LPAR1: variants seen among roughly 807,000 people sequenced by gnomAD.
LPAR1 encodes the protein LPA receptor 1.
In LPAR1, 5 loss-of-function variants were observed where a neutral mutation model predicts 23.8. That is an observed-to-expected ratio of 0.21 (90% confidence interval 0.11 to 0.44). LPAR1 has a LOEUF of 0.44. Ranked by LOEUF, LPAR1 falls within the 20% of genes least tolerant of loss-of-function variation. LPAR1 has a pLI of 0.99. For missense variants in LPAR1, 311 were observed against 482.8 expected, an observed-to-expected ratio of 0.64 and a Z score of 3.33; for synonymous variants, 160 against 164.7, an observed-to-expected ratio of 0.97 and a Z score of 0.22.
At chr9:110,937,187 C>G (rs1184270783) in intron 5 of LPAR1, among the ~76,000 whole-genome samples, 1 of 152,222 alleles carries the variant, frequency 6.6e-6, no homozygotes, top group African/African-American at 2.4e-5. Context: ...CCCTTAAAAG[C>G]TTTCTCTGCC....
At chr9:110,969,773 T>C (rs1036581091) in intron 4 of LPAR1, among the ~76,000 whole-genome samples, 5 of 152,180 alleles carry the variant, frequency 3.3e-5, no homozygotes, top group African/African-American at 9.6e-5. Context: ...TCCACATTCC[T>C]GAATTCATTA....
chr9:110,881,696 G>A (rs1257781058), intron 5 of LPAR1, among the ~76,000 whole-genome samples: 3 of 152,280 alleles, frequency 2.0e-5, no homozygotes, highest in Non-Finnish European at 4.4e-5. Context: ...CTAGCCAAGT[G>A]AGCAATACCT....
chr9:110,994,472 G>T (rs2096956646), intron 2 of LPAR1, among the ~76,000 whole-genome samples: 1 of 152,146 alleles, frequency 6.6e-6, no homozygotes, highest in South Asian at 2.1e-4. Context: ...TGATTTCAGT[G>T]GTTGCTTTGT....
chr9:111,006,528 A>G (rs969919799), intron 2 of LPAR1, among the ~76,000 whole-genome samples: 8 of 152,194 alleles, frequency 5.3e-5, no homozygotes, highest in African/African-American at 1.7e-4. Flanking sequence ...TACCAATTCC[A>G]TGCCATGGTA....
At chr9:110,959,809 T>C (rs536728617) in intron 4 of LPAR1, among the ~76,000 whole-genome samples, 59 of 152,252 alleles carry the variant, frequency 3.9e-4, no homozygotes, top group African/African-American at 1.3e-3. Context: ...GGATACTATC[T>C]GGTCATAAAA....
At chr9:110,950,712 G>A (rs1310840251) in intron 4 of LPAR1, among the ~76,000 whole-genome samples, 2 of 151,940 alleles carry the variant, frequency 1.3e-5, no homozygotes, top group South Asian at 4.1e-4. Flanking sequence ...AACGTATCTA[G>A]GAATAAGTCT....
chr9:110,971,083 C>A (rs1251051761), intron 4 of LPAR1, among the ~76,000 whole-genome samples: 1 of 152,114 alleles, frequency 6.6e-6, no homozygotes, highest in African/African-American at 2.4e-5. Context: ...TGCAGTGAAC[C>A]AAGATCATGC....
intron 2 of LPAR1, among the ~76,000 whole-genome samples, chr9:111,010,097 C>T (rs1363245292): frequency 6.9e-6 from 1 of 145,532 alleles, no homozygotes; most frequent in African/African-American, 2.6e-5. Context: ...AACCTTTGTG[C>T]AAGAAAATCC....
intron 5 of LPAR1, among the ~76,000 whole-genome samples, chr9:110,933,481 A>G (rs545035476): frequency 1.3e-5 from 2 of 152,324 alleles, no homozygotes; most frequent in African/African-American, 4.8e-5. Flanking sequence ...GAAAGGCCCT[A>G]TGATTCTTAC....
chr9:111,021,908 G>A (rs2097566475), intron 2 of LPAR1, among the ~76,000 whole-genome samples: 1 of 142,560 alleles, frequency 7.0e-6, no homozygotes, highest in Admixed American at 7.5e-5. Context: ...AGGTTGCAGT[G>A]AGCAGAGATC....
intron 4 of LPAR1, among the ~76,000 whole-genome samples, chr9:110,954,128 C>G (rs991885716): frequency 2.6e-5 from 4 of 151,948 alleles, no homozygotes. Flanking sequence ...AAGAACCAAA[C>G]AGAAATCTTG....
At chr9:110,914,566 C>A (rs1416426785) in intron 5 of LPAR1, among the ~76,000 whole-genome samples, 2 of 152,184 alleles carry the variant, frequency 1.3e-5, no homozygotes, top group Non-Finnish European at 2.9e-5. Context: ...GGTGGGGACC[C>A]AGCCAAACTA....
At chr9:110,908,426 C>A (rs2091783782) in intron 5 of LPAR1, among the ~76,000 whole-genome samples, 1 of 151,550 alleles carries the variant, frequency 6.6e-6, no homozygotes, top group Non-Finnish European at 1.5e-5. Context: ...TTATTTTCAT[C>A]ATAAAGTATT....
chr9:110,923,696 CT>C (rs1671053106), intron 5 of LPAR1, among the ~76,000 whole-genome samples: 1 of 152,198 alleles, frequency 6.6e-6, no homozygotes, highest in African/African-American at 2.4e-5. Context: ...ACTGTTTCTG[CT>C]GTGTCTCTCA....
At chr9:110,927,498 C>T (rs1026066809) in intron 5 of LPAR1, among the ~76,000 whole-genome samples, 1 of 151,958 alleles carries the variant, frequency 6.6e-6, no homozygotes, top group Non-Finnish European at 1.5e-5. Context: ...AAATGTTAAC[C>T]ATTATTATTA....
intron 5 of LPAR1, among the ~76,000 whole-genome samples, chr9:110,922,048 G>C (rs1208514598): frequency 6.6e-6 from 1 of 152,194 alleles, no homozygotes; most frequent in African/African-American, 2.4e-5. Context: ...CTGAGCAGCG[G>C]AGAAAGTAAC....
chr9:111,015,480 G>A (rs1325716966), intron 2 of LPAR1, among the ~76,000 whole-genome samples: 1 of 152,082 alleles, frequency 6.6e-6, no homozygotes, highest in Middle Eastern at 3.2e-3. Flanking sequence ...CTTATAGGTA[G>A]AATCTTAAAA....
chr9:111,020,484 G>C (rs2097541267), intron 2 of LPAR1, among the ~76,000 whole-genome samples: 5 of 152,158 alleles, frequency 3.3e-5, no homozygotes, highest in Admixed American at 2.6e-4. Flanking sequence ...TTCCAACTCT[G>C]AAAATAAATT....
intron 5 of LPAR1, among the ~76,000 whole-genome samples, chr9:110,931,670 C>T (rs984270490): frequency 1.6e-5 from 2 of 128,310 alleles, no homozygotes; most frequent in Non-Finnish European, 3.4e-5. Flanking sequence ...ACATTTAAGT[C>T]TTTAATCCAT....
Sources: gnomAD v4.1 joint callset for allele counts (sites outside exome capture counted in the v4.1 genomes callset) on GRCh38, gnomAD v4.1.1 for gene constraint, MANE v1.5 for transcripts, NCBI Gene and HGNC (gene_info 2026-07-23, HGNC 2026-07-21) for gene names.